GRIN3A: variants seen among roughly 807,000 people sequenced by gnomAD.
The protein encoded by GRIN3A is glutamate ionotropic receptor NMDA type subunit 3A.
A neutral mutation model predicts 92.4 loss-of-function variants in GRIN3A; 47 were observed. That is an observed-to-expected ratio of 0.51 (90% confidence interval 0.40 to 0.65). GRIN3A has a LOEUF of 0.65. Among genes scored for constraint, GRIN3A ranks in the 30% least tolerant of loss-of-function variants. The probability of loss-of-function intolerance (pLI) is 0.00; values close to 1 mark genes in which losing one functional copy is unlikely to be tolerated. For synonymous variants in GRIN3A, 527 were observed against 540.6 expected, an observed-to-expected ratio of 0.97 and a Z score of 0.35; for missense variants, 1,324 against 1,393.1, an observed-to-expected ratio of 0.95 and a Z score of 0.79.
chr9:101,682,950 C>G lies in GRIN3A; in HGVS notation c.1304+3646G>C, dbSNP rs148355065. On this transcript the variant is annotated intron_variant, in intron 2 of 8. Coordinates refer to ENST00000361820, the MANE Select transcript of GRIN3A (RefSeq NM_133445.3). ...TGAGCCGAGATTGCGCCACCGCACTCCAGCCTGGGCGACAGAGAAAGACTC... is the reference window on the plus strand; with the variant it reads ...TGAGCCGAGATTGCGCCACCGCACTGCAGCCTGGGCGACAGAGAAAGACTC... Among the ~76,000 whole-genome samples the G allele has an allele frequency of 6.6e-3, 1,001 of 152,356 alleles. 12 individuals are homozygous for G. Among genetic ancestry groups the G allele is most frequent in the African/African-American group, 0.023 (950 of 41,596 alleles).
chr9:101,720,066 C>T (rs1449935181), intron 1 of GRIN3A, among the ~76,000 whole-genome samples: 2 of 152,102 alleles, frequency 1.3e-5, no homozygotes, highest in Non-Finnish European at 1.5e-5. Flanking sequence ...TGAAACCCTG[C>T]TCTTTTTTCC....
At chr9:101,630,529 T>C (rs117166288) in intron 3 of GRIN3A, among the ~76,000 whole-genome samples, 19 of 152,198 alleles carry the variant, frequency 1.2e-4, no homozygotes, top group Non-Finnish European at 2.8e-4. Context: ...TTGTCCAAGG[T>C]CACAGAGCTA....
At position 101,579,186 on chromosome 9, in the gene GRIN3A, T is replaced by C. The variant is rs1353608108; in HGVS notation, c.2931+10A>G. 1 of 1,613,482 alleles carries C rather than the reference T, an allele frequency of 6.2e-7. No individual in the cohort carries two copies. Among genetic ancestry groups the C allele is most frequent in the Non-Finnish European group, 8.5e-7 (1 of 1,179,722 alleles). ...TAAGAATATTGGAGCAAGACACCTG[T>C]GGCACTCACCTGGCTGGTGTGGAGC... On this transcript the variant is annotated intron_variant, in intron 7 of 8. Coordinates refer to ENST00000361820, the MANE Select transcript of GRIN3A (RefSeq NM_133445.3).
chr9:101,576,484 A>G (rs1009277296), intron 8 of GRIN3A, among the ~76,000 whole-genome samples: 1 of 152,230 alleles, frequency 6.6e-6, no homozygotes, highest in Non-Finnish European at 1.5e-5. Flanking sequence ...ATGGTTTTCA[A>G]TTTATGTGAG....
chr9:101,594,266 A>G (rs1040762949), intron 6 of GRIN3A: 12 of 1,049,010 alleles, frequency 1.1e-5, no homozygotes, highest in Non-Finnish European at 1.5e-5. Context: ...TGAGTTGGTG[A>G]TGAAGCTCCT....
chr9:101,582,551 C>CTAGTTGT (rs1827901616), intron 6 of GRIN3A, among the ~76,000 whole-genome samples: 1 of 152,152 alleles, frequency 6.6e-6, no homozygotes, highest in African/African-American at 2.4e-5. Context: ...TCTCTGTGTG[C>CTAGTTGT]AAATGGTGAC....
In GRIN3A at chr9:101,675,759, G is replaced by A. The variant is rs1829387472; in HGVS notation, c.1305-4652C>T. ...CTGCTTAAGTTTATAGCCTGTTTTG[G>A]ATGCTGAAATACTGTCATTTTGGGT... On this transcript the variant is annotated intron_variant, in intron 2 of 8. Transcript: ENST00000361820. Among the ~76,000 whole-genome samples the A allele has an allele frequency of 2.6e-5, 4 of 151,708 alleles. No individual in the cohort carries two copies. The South Asian group carries it at 8.3e-4, about 32-fold the overall frequency.
chr9:101,654,418 T>G (rs935043506), intron 3 of GRIN3A, among the ~76,000 whole-genome samples: 5 of 151,666 alleles, frequency 3.3e-5, no homozygotes, highest in African/African-American at 9.7e-5. Flanking sequence ...ATATACCGTA[T>G]ATAACATATG....
At chr9:101,729,770 C>G (rs1830117832) in intron 1 of GRIN3A, among the ~76,000 whole-genome samples, 1 of 152,138 alleles carries the variant, frequency 6.6e-6, no homozygotes, top group African/African-American at 2.4e-5. Flanking sequence ...CTGTTGTCCT[C>G]CATCTCTTCT....
At chr9:101,702,490 C>G (rs1241710219) in intron 1 of GRIN3A, among the ~76,000 whole-genome samples, 1 of 152,072 alleles carries the variant, frequency 6.6e-6, no homozygotes, top group East Asian at 1.9e-4. Flanking sequence ...TCTTGAAATA[C>G]CTCATCCTCT....
intron 3 of GRIN3A, among the ~76,000 whole-genome samples, chr9:101,665,229 A>G (rs528944557): frequency 1.3e-5 from 2 of 151,950 alleles, no homozygotes; most frequent in Non-Finnish European, 2.9e-5. Flanking sequence ...CGCCTCTAAG[A>G]GGTAAAAACA....
intron 8 of GRIN3A, among the ~76,000 whole-genome samples, chr9:101,575,639 C>G (rs1015655557): frequency 6.6e-6 from 1 of 152,162 alleles, no homozygotes; most frequent in Non-Finnish European, 1.5e-5. Context: ...CAAAATTTCT[C>G]CAAGCATTTC....
At chr9:101,594,834 A>G (rs1564121691) in intron 6 of GRIN3A, 4 of 1,609,500 alleles carry the variant, frequency 2.5e-6, no homozygotes, top group African/African-American at 1.3e-5. Flanking sequence ...TCCAAGTCCA[A>G]CTTCTTAAAC....
At chr9:101,617,628 A>ATTTTT (rs375818675) in intron 5 of GRIN3A, among the ~76,000 whole-genome samples, 1 of 150,930 alleles carries the variant, frequency 6.6e-6, no homozygotes, top group African/African-American at 2.5e-5. Flanking sequence ...TTATTTATTT[A>ATTTTT]TTTTGTGTGT....
chr9:101,574,083 T>G (rs954917389), intron 8 of GRIN3A, among the ~76,000 whole-genome samples: 8 of 152,076 alleles, frequency 5.3e-5, no homozygotes, highest in African/African-American at 1.7e-4. Flanking sequence ...ATGATTTTTA[T>G]GTGAGTTGAG....
At chr9:101,649,775 G>A (rs28415266) in intron 3 of GRIN3A, among the ~76,000 whole-genome samples, 13,545 of 151,904 alleles carry the variant, frequency 0.089, 877 homozygotes, top group East Asian at 0.22. Context: ...CTGTTCTGCC[G>A]TTTTGCTGAT....
At chr9:101,705,580 G>T (rs949922530) in intron 1 of GRIN3A, among the ~76,000 whole-genome samples, 1 of 152,066 alleles carries the variant, frequency 6.6e-6, no homozygotes, top group Non-Finnish European at 1.5e-5. Flanking sequence ...TGTAACACAC[G>T]CTCACTTGGG....
rs555911865 is a variant in GRIN3A at position 101,596,119 on chromosome 9, G to A, written c.2767-16759C>T. Among the ~76,000 whole-genome samples the A allele has an allele frequency of 2.6e-5, 4 of 152,250 alleles. No individual in the cohort carries two copies. The South Asian group carries it at 6.2e-4, about 24-fold the overall frequency. On this transcript the variant is annotated intron_variant, in intron 6 of 8. Coordinates refer to ENST00000361820, the MANE Select transcript of GRIN3A (RefSeq NM_133445.3). ...AACTGAAAGATGCAAACACTCCTTCGCTTTAAAAAATGTTGGCAAGTTCTG... is the reference window on the plus strand; with the variant it reads ...AACTGAAAGATGCAAACACTCCTTCACTTTAAAAAATGTTGGCAAGTTCTG...
chr9:101,620,560 A>T (rs1260348619), intron 5 of GRIN3A, among the ~76,000 whole-genome samples: 1 of 152,076 alleles, frequency 6.6e-6, no homozygotes, highest in African/African-American at 2.4e-5. Flanking sequence ...AGTACATTTA[A>T]ACATTTGGGA....
Sources: gnomAD v4.1 joint callset for allele counts (sites outside exome capture counted in the v4.1 genomes callset) on GRCh38, gnomAD v4.1.1 for gene constraint, MANE v1.5 for transcripts, NCBI Gene and HGNC (gene_info 2026-07-23, HGNC 2026-07-21) for gene names.